POFUT3: variants seen among roughly 807,000 people sequenced by gnomAD.
POFUT3 encodes the protein GDP-fucose protein O-fucosyltransferase 3.
the POFUT3 span, among the ~76,000 whole-genome samples, chr8:33,358,661 T>C: frequency 1.3e-5 from 2 of 152,102 alleles, no homozygotes; most frequent in South Asian, 4.2e-4. Context: ...TAGGAGGTGA[T>C]TAAGTCATGA....
the POFUT3 span, among the ~76,000 whole-genome samples, chr8:33,415,440 C>T: frequency 1.1e-4 from 16 of 152,148 alleles, no homozygotes; most frequent in African/African-American, 3.9e-4. Flanking sequence ...TTGGAAAGTG[C>T]AGGACCAGAC....
the POFUT3 span, among the ~76,000 whole-genome samples, chr8:33,391,934 A>T: frequency 7.0e-4 from 107 of 152,278 alleles, no homozygotes; most frequent in African/African-American, 2.4e-3. Context: ...ACCTCAGCAA[A>T]GATACCAGAT....
At chr8:33,449,155 A>G in the POFUT3 span, among the ~76,000 whole-genome samples, 2 of 151,968 alleles carry the variant, frequency 1.3e-5, no homozygotes, top group Non-Finnish European at 2.9e-5. Flanking sequence ...ACTGTGCCTG[A>G]TATACAGTAC....
chr8:33,416,649 C>A, the POFUT3 span, among the ~76,000 whole-genome samples: 2 of 151,814 alleles, frequency 1.3e-5, no homozygotes. Context: ...AGTTCAAGAC[C>A]AACCTGGCCA....
the POFUT3 span, among the ~76,000 whole-genome samples, chr8:33,434,227 C>T: frequency 1.3e-5 from 2 of 152,216 alleles, no homozygotes; most frequent in Non-Finnish European, 2.9e-5. Flanking sequence ...CACCACTGCA[C>T]TCCAGCCTGG....
chr8:33,316,572 AAAAGAAAG>A, the POFUT3 span, among the ~76,000 whole-genome samples: 1 of 130,598 alleles, frequency 7.7e-6, no homozygotes, highest in African/African-American at 3.0e-5. Context: ...ACTACAAAAA[AAAAGAAAG>A]AAAGAAAGAA....
At chr8:33,418,225 T>C in the POFUT3 span, among the ~76,000 whole-genome samples, 1 of 152,026 alleles carries the variant, frequency 6.6e-6, no homozygotes, top group Non-Finnish European at 1.5e-5. Context: ...CCACAGACAA[T>C]GATCCCACTG....
chr8:33,410,874 C>T, the POFUT3 span, among the ~76,000 whole-genome samples: 1 of 152,154 alleles, frequency 6.6e-6, no homozygotes, highest in Non-Finnish European at 1.5e-5. Context: ...AACTGGTACA[C>T]GGGGGCCCCA....
the POFUT3 span, among the ~76,000 whole-genome samples, chr8:33,466,308 G>A: frequency 6.6e-6 from 1 of 151,894 alleles, no homozygotes; most frequent in African/African-American, 2.4e-5. Flanking sequence ...GCATGTCTGT[G>A]GTCCCAGCTA....
the POFUT3 span, among the ~76,000 whole-genome samples, chr8:33,411,362 C>A: frequency 6.6e-6 from 1 of 152,234 alleles, no homozygotes; most frequent in African/African-American, 2.4e-5. Context: ...TGCTCCCTAG[C>A]AGACCTGCTG....
At chr8:33,416,465 G>A in the POFUT3 span, among the ~76,000 whole-genome samples, 5 of 151,790 alleles carry the variant, frequency 3.3e-5, no homozygotes, top group African/African-American at 4.8e-5. Flanking sequence ...TAATCCCAGC[G>A]CTCTGGGAGG....
chr8:33,461,669 T>G, the POFUT3 span: 1 of 1,509,612 alleles, frequency 6.6e-7, no homozygotes, highest in Non-Finnish European at 8.8e-7. Context: ...GCAGTCTTCT[T>G]AGGCTATCAT....
chr8:33,433,844 TG>T, the POFUT3 span, among the ~76,000 whole-genome samples: 7 of 151,652 alleles, frequency 4.6e-5, no homozygotes, highest in East Asian at 1.4e-3. Flanking sequence ...GGTATGGACC[TG>T]TGGTTCCAGG....
chr8:33,348,860 A>T, the POFUT3 span, among the ~76,000 whole-genome samples: 1 of 152,324 alleles, frequency 6.6e-6, no homozygotes, highest in African/African-American at 2.4e-5. Context: ...AATTCAGACA[A>T]GGGCTATATC....
At chr8:33,445,380 T>C in the POFUT3 span, among the ~76,000 whole-genome samples, 1 of 151,926 alleles carries the variant, frequency 6.6e-6, no homozygotes, top group African/African-American at 2.4e-5. Flanking sequence ...GTTTCCAAAA[T>C]AAAGCTAACC....
chr8:33,412,709 C>T, the POFUT3 span, among the ~76,000 whole-genome samples: 3 of 152,290 alleles, frequency 2.0e-5, no homozygotes, highest in Admixed American at 6.5e-5. Flanking sequence ...CTCACTGCAA[C>T]CTCTGCCTCC....
chr8:33,441,661 AC>A, the POFUT3 span, among the ~76,000 whole-genome samples: 1 of 151,840 alleles, frequency 6.6e-6, no homozygotes, highest in African/African-American at 2.4e-5. Flanking sequence ...GATTACAGGC[AC>A]GAGCCACTGC....
chr8:33,316,198 G>A, the POFUT3 span, among the ~76,000 whole-genome samples: 1 of 152,062 alleles, frequency 6.6e-6, no homozygotes, highest in South Asian at 2.1e-4. Flanking sequence ...CTTTGAAGTG[G>A]ACTTAAAAAA....
chr8:33,330,763 C>T, the POFUT3 span, among the ~76,000 whole-genome samples: 68 of 152,164 alleles, frequency 4.5e-4, no homozygotes, highest in African/African-American at 1.4e-3. Context: ...TGTCCTGGCC[C>T]CTCTTCCTCC....
Sources: gnomAD v4.1 joint callset for allele counts (sites outside exome capture counted in the v4.1 genomes callset) on GRCh38, gnomAD v4.1.1 for gene constraint, MANE v1.5 for transcripts, NCBI Gene and HGNC (gene_info 2026-07-23, HGNC 2026-07-21) for gene names.